The following USP13 variants were observed in gnomAD, a reference collection of about 807,000 sequenced individuals.
USP13 encodes the protein ubiquitin specific peptidase 13.
A neutral mutation model predicts 107.8 loss-of-function variants in USP13; 68 were observed. The observed-to-expected ratio is 0.63, with a 90% CI of 0.52 to 0.77. The LOEUF is 0.77. Among genes scored for constraint, USP13 ranks in the 30% least tolerant of loss-of-function variants. USP13 has a pLI of 0.00. For missense variants in USP13, 945 were observed against 1,093.3 expected (o/e 0.86, Z 1.91); for synonymous variants, 377 against 389.5 (o/e 0.97, Z 0.38).
At chr3:179,677,056 C>T (rs1292965538) in intron 1 of USP13, among the ~76,000 whole-genome samples, 1 of 151,830 alleles carries the variant, frequency 6.6e-6, no homozygotes, top group African/African-American at 2.4e-5. Flanking sequence ...CTGGATTTTA[C>T]CACGTTGGTC....
In USP13 at chr3:179,764,182, A is replaced by AGT; in HGVS notation, c.2259+14_2259+15insGT. 1 of 1,541,386 alleles carries AGT rather than the reference A, an allele frequency of 6.5e-7. No homozygotes were observed. On this transcript the variant is annotated intron_variant, in intron 18 of 20. Transcript: ENST00000263966. ...CTACGAGCAACGGTGAGCATGAGAG[A>AGT]CTGTGTGTGTGTGTGTGTGTGTGTG...
At chr3:179,728,976 G>GAGAGGA (rs1560065546) in intron 8 of USP13, among the ~76,000 whole-genome samples, 1 of 105,150 alleles carries the variant, frequency 9.5e-6, no homozygotes, top group African/African-American at 3.2e-5. Context: ...TGGGGAGACG[G>GAGAGGA]AGAGGAAGAG....
chr3:179,733,354 CA>C (rs1713871084), intron 10 of USP13, among the ~76,000 whole-genome samples: 1 of 152,194 alleles, frequency 6.6e-6, no homozygotes, highest in South Asian at 2.1e-4. Flanking sequence ...ATAGAGCTCA[CA>C]TTGACCATGA....
intron 1 of USP13, among the ~76,000 whole-genome samples, chr3:179,676,534 T>C (rs1014256258): frequency 6.6e-6 from 1 of 152,122 alleles, no homozygotes; most frequent in Non-Finnish European, 1.5e-5. Context: ...ACAAGGAAAT[T>C]GGGAGACAGT....
intron 3 of USP13, among the ~76,000 whole-genome samples, chr3:179,695,533 A>T (rs78672463): frequency 6.9e-6 from 1 of 144,482 alleles, no homozygotes. Context: ...TTTTGCTGCT[A>T]TTTTTTTTTT....
chr3:179,747,521 G>C (rs569527337), intron 13 of USP13, among the ~76,000 whole-genome samples: 1 of 152,294 alleles, frequency 6.6e-6, no homozygotes, highest in Non-Finnish European at 1.5e-5. Flanking sequence ...AGAAGTGCAG[G>C]ATGTGACACA....
intron 1 of USP13, among the ~76,000 whole-genome samples, chr3:179,665,469 G>T (rs1438645936): frequency 1.3e-5 from 2 of 152,202 alleles, no homozygotes; most frequent in African/African-American, 4.8e-5. Flanking sequence ...GAAATGGAGA[G>T]TCAGAGAGGT....
intron 10 of USP13, 44 bp downstream of exon 10, chr3:179,730,753 G>C (rs764448335): frequency 1.7e-5 from 27 of 1,577,936 alleles, no homozygotes; most frequent in Non-Finnish European, 2.3e-5. Flanking sequence ...AGGTAGGGAG[G>C]AGCTTTAGAA....
At chr3:179,654,326 C>T (rs1054249354) in intron 1 of USP13, among the ~76,000 whole-genome samples, 5 of 152,086 alleles carry the variant, frequency 3.3e-5, no homozygotes, top group African/African-American at 7.2e-5. Flanking sequence ...CCCACCTTGC[C>T]CTTCTAAATG....
intron 4 of USP13, among the ~76,000 whole-genome samples, chr3:179,701,525 T>G (rs1712522988): frequency 6.6e-6 from 1 of 152,198 alleles, no homozygotes; most frequent in South Asian, 2.1e-4. Context: ...AGTCTTTTTA[T>G]CATGTTTATT....
At chr3:179,698,719 T>G (rs1712402120) in intron 3 of USP13, among the ~76,000 whole-genome samples, 1 of 152,078 alleles carries the variant, frequency 6.6e-6, no homozygotes, top group Non-Finnish European at 1.5e-5. Flanking sequence ...TTTGTTTAGG[T>G]TTCTTTCTCA....
intron 3 of USP13, among the ~76,000 whole-genome samples, chr3:179,691,115 G>A (rs1430689717): frequency 6.6e-6 from 1 of 150,704 alleles, no homozygotes; most frequent in Non-Finnish European, 1.5e-5. Flanking sequence ...GCTGTAGTGA[G>A]CTATGATTGC....
chr3:179,721,263 A>T lies in USP13; in HGVS notation c.901-139A>T. ...CCATCACCGTCTCTCAGTCTTTTTT[A>T]TTTGCATTGTTTATTTCTCTATGTA... is the stretch of plus-strand genomic sequence containing the variant. On this transcript the variant is annotated intron_variant, in intron 7 of 20. Coordinates refer to ENST00000263966, the MANE Select transcript of USP13 (RefSeq NM_003940.3). This position sits in a 1 kb window ranked among gnomAD's most constrained non-coding sequence, Gnocchi z 4.3. The T allele has an allele frequency of 2.3e-6, 2 of 870,814 alleles. No individual in the cohort carries two copies. The highest frequency in any genetic ancestry group is 2.0e-5 in the South Asian group (1 of 50,988). The allele number at this position is 870,814 out of a possible 1,614,324, so 53.9% of individuals were successfully genotyped here. A position where few individuals can be genotyped will look rare whatever the true frequency, so the allele number is the denominator to read the frequency against.
chr3:179,718,446 G>GTA (rs1330630313), intron 6 of USP13, among the ~76,000 whole-genome samples: 1 of 152,024 alleles, frequency 6.6e-6, no homozygotes, highest in Admixed American at 6.6e-5. Flanking sequence ...TGTGAGCCAT[G>GTA]TACCTCGCTG....
chr3:179,689,599 T>A (rs977311971), intron 2 of USP13, among the ~76,000 whole-genome samples: 14 of 150,848 alleles, frequency 9.3e-5, no homozygotes, highest in Admixed American at 2.6e-4. Flanking sequence ...CGGAGGTTGC[T>A]GTGAGCCGAG....
chr3:179,776,883 T>TG (rs1715561140), intron 19 of USP13, among the ~76,000 whole-genome samples: 1 of 145,044 alleles, frequency 6.9e-6, no homozygotes, highest in Non-Finnish European at 1.5e-5. Flanking sequence ...TTTTTTTTTT[T>TG]GGGAGGACGT....
At chr3:179,741,388 C>T (rs994449980) in intron 11 of USP13, among the ~76,000 whole-genome samples, 3 of 152,212 alleles carry the variant, frequency 2.0e-5, no homozygotes, top group Non-Finnish European at 4.4e-5. Context: ...CTCAGGGTTA[C>T]TGATTCACAT....
At chr3:179,700,938 A>G in intron 3 of USP13, 70 bp from the exon 4 acceptor site, 1 of 1,516,364 alleles carries the variant, frequency 6.6e-7, no homozygotes, top group Non-Finnish European at 8.8e-7. Context: ...TGGCTTTTCC[A>G]GTGAGTGCTG....
intron 14 of USP13, among the ~76,000 whole-genome samples, chr3:179,752,783 A>G (rs1211422277): frequency 6.6e-6 from 1 of 152,260 alleles, no homozygotes; most frequent in East Asian, 1.9e-4. Context: ...GCTGGCCCAC[A>G]GGCCACACTT....
Sources: allele counts gnomAD v4.1 joint callset (sites outside exome capture counted in the v4.1 genomes callset), GRCh38; gene constraint gnomAD v4.1.1; non-coding constraint Gnocchi (gnomAD v3.1); transcripts MANE v1.5; gene names NCBI Gene and HGNC (gene_info 2026-07-23, HGNC 2026-07-21).